The following CCND3 variants were observed in gnomAD, a reference collection of about 807,000 sequenced individuals.
CCND3 encodes cyclin D3.
A neutral mutation model predicts 28.7 loss-of-function variants in CCND3; 9 were observed. The ratio of observed to expected loss-of-function variants is 0.31; its 90% CI spans 0.19 to 0.55. The LOEUF is 0.55. Among genes scored for constraint, CCND3 ranks in the 20% least tolerant of loss-of-function variants. CCND3 has a pLI of 0.93. For missense variants in CCND3, 315 were observed against 385.8 expected (o/e 0.82, Z 1.54); for synonymous variants, 164 against 163.9 (o/e 1.00, Z 0.00).
intron 1 of CCND3, among the ~76,000 whole-genome samples, chr6:41,949,866 G>A (rs1320327613): frequency 1.3e-5 from 2 of 151,536 alleles, no homozygotes; most frequent in Admixed American, 6.6e-5. Context: ...AGGCCGAGGC[G>A]GGCGGATCAC....
intron 1 of CCND3, among the ~76,000 whole-genome samples, chr6:41,951,907 C>T (rs547748397): frequency 2.6e-4 from 40 of 151,982 alleles, no homozygotes; most frequent in South Asian, 8.3e-4. Flanking sequence ...TACAGGTGCT[C>T]GCCACCACAC....
rs77547384 is a variant in CCND3, at chr6:41,994,038, G to T, written c.-45-53453C>A. Among the ~76,000 whole-genome samples, 8 of 147,932 alleles carry T rather than the reference G, an allele frequency of 5.4e-5. No homozygotes were observed. In the East Asian group the frequency reaches 1.6e-3, roughly 29 times the overall value. Reference sequence around the variant, plus strand: ...TAGTGAAGAATGCCAATCTGAAAAAGCTTCATACTAGATGACTCCAAATAC... The same window carrying T: ...TAGTGAAGAATGCCAATCTGAAAAATCTTCATACTAGATGACTCCAAATAC... On this transcript the variant is annotated intron_variant, in intron 1 of 4. Transcript: ENST00000372988.
chr6:41,987,477 TTCTCTCTCTCTCTCTC>T lies in CCND3; in HGVS notation c.-45-46908_-45-46893del, dbSNP rs71544258. Among the ~76,000 whole-genome samples the T allele has an allele frequency of 2.1e-4, 26 of 126,488 alleles. No homozygotes were observed. In the South Asian group the frequency reaches 3.7e-3, roughly 18 times the overall value. The allele number at this position is 126,488 out of a possible 152,430, so 83.0% of individuals were successfully genotyped here. ...ACCACAACTCCCATGGACCAGGCTT[TTCTCTCTCTCTCTCTC>T]TCTCTCTCTCTCTCTCTCTCTCTCT... On this transcript the variant is annotated intron_variant, in intron 1 of 4. Transcript: ENST00000372988.
chr6:41,962,059 T>A (rs1319409841), intron 1 of CCND3, among the ~76,000 whole-genome samples: 1 of 152,158 alleles, frequency 6.6e-6, no homozygotes, highest in African/African-American at 2.4e-5. Context: ...CTTCCACCAG[T>A]TACCATCTCT....
chr6:41,968,141 C>T (rs62417388), intron 1 of CCND3, among the ~76,000 whole-genome samples: 32 of 152,110 alleles, frequency 2.1e-4, no homozygotes, highest in Non-Finnish European at 3.7e-4. Context: ...TAACATTTAG[C>T]TAACAGCAAA....
chr6:42,047,834 C>T (rs1764589932), intron 1 of CCND3, among the ~76,000 whole-genome samples: 2 of 152,220 alleles, frequency 1.3e-5, no homozygotes, highest in Admixed American at 1.3e-4. Flanking sequence ...CCTTTTCTCT[C>T]TGAAGCCTTC....
intron 1 of CCND3, among the ~76,000 whole-genome samples, chr6:41,955,603 A>C (rs1256180501): frequency 1.3e-5 from 2 of 151,374 alleles, no homozygotes; most frequent in Non-Finnish European, 2.9e-5. Context: ...CTTAGTGGTG[A>C]CACATTAAAA....
At chr6:41,992,829 C>T (rs1433450153) in intron 1 of CCND3, among the ~76,000 whole-genome samples, 8 of 151,974 alleles carry the variant, frequency 5.3e-5, no homozygotes, top group Non-Finnish European at 1.2e-4. Flanking sequence ...ACTGCAATCT[C>T]GTCCTCCCTC....
In CCND3 at chr6:41,951,563, C is replaced by CA. The variant is rs1561958126; in HGVS notation, c.-45-10979dup. On this transcript the variant is annotated intron_variant, in intron 1 of 4. Transcript: ENST00000372988. ...AGCGACACACACACACACACACACA[C>CA]ACACACACACACAAAAAAAAAGATT... Among the ~76,000 whole-genome samples, 15 of 76,984 alleles carry CA rather than the reference C, an allele frequency of 1.9e-4. 1 individual carries two copies. Among genetic ancestry groups the CA allele is most frequent in the African/African-American group, 7.0e-4 (14 of 19,898 alleles). The allele number at this position is 76,984 out of a possible 152,430, so 50.5% of individuals were successfully genotyped here. A position where few individuals can be genotyped will look rare whatever the true frequency, so the allele number is the denominator to read the frequency against.
intron 1 of CCND3, among the ~76,000 whole-genome samples, chr6:41,962,897 CG>C: frequency 6.6e-6 from 1 of 152,278 alleles, no homozygotes; most frequent in Admixed American, 6.5e-5. Context: ...ACTACAGGCG[CG>C]TGCCACCATA....
At chr6:42,004,068 A>ATGTG (rs35124169) in intron 1 of CCND3, among the ~76,000 whole-genome samples, 4,013 of 143,736 alleles carry the variant, frequency 0.028, 66 homozygotes, top group South Asian at 0.052. Context: ...ATATATATGT[A>ATGTG]TGTGTGTGTG....
chr6:41,961,104 A>C (rs1203881350), intron 1 of CCND3, among the ~76,000 whole-genome samples: 2 of 152,132 alleles, frequency 1.3e-5, no homozygotes, highest in African/African-American at 4.8e-5. Flanking sequence ...GGGGAGGTCA[A>C]CTCTGCTGTC....
At chr6:42,020,722 G>A (rs1433466817) in intron 1 of CCND3, among the ~76,000 whole-genome samples, 1 of 152,176 alleles carries the variant, frequency 6.6e-6, no homozygotes, top group Non-Finnish European at 1.5e-5. Context: ...AAGACTTCAT[G>A]AGCAGTCACC....
chr6:41,959,679 T>TCCGTCCCAAAAAAAAAAAAAAA (rs772818142), intron 1 of CCND3, among the ~76,000 whole-genome samples: 1 of 147,120 alleles, frequency 6.8e-6, no homozygotes, highest in African/African-American at 2.6e-5. Flanking sequence ...ACAGCAAGAC[T>TCCGTCCCAAAAAAAAAAAAAAA]AAATCAGGCC....
chr6:42,036,403 A>ATATATATAT (rs57619585), intron 1 of CCND3, among the ~76,000 whole-genome samples: 4 of 31,322 alleles, frequency 1.3e-4, no homozygotes, highest in Admixed American at 1.4e-3. Context: ...ATATATATAT[A>ATATATATAT]TTTTTTTTTT....
Position 41,941,601 on chromosome 6 carries a change from G to A in CCND3, c.49C>T (p.Pro17Ser), listed in dbSNP as rs769785626. 2.6e-6 allele frequency: 4 copies of A among 1,533,938 alleles called. No homozygotes were observed. The highest frequency in any genetic ancestry group is 1.2e-5 in the South Asian group (1 of 83,548). Residue 17 changes from proline to serine, a missense_variant, in exon 1 of 5, where the codon CCG becomes TCG. By Grantham distance (74) the Pro-to-Ser change is moderately conservative. Coordinates refer to ENST00000372991, the MANE Select transcript of CCND3 (RefSeq NM_001760.5). The surrounding 1 kb of genome is among the most constrained non-coding windows in gnomAD (Gnocchi z 6.1). ...EGTRHAPRAG[P>S]DPRLLGDQRV... is the part of the protein sequence containing the mutation. The stretch of plus-strand genomic sequence containing the variant: ...TGGTCCCCCAGCAGCCGCGGGTCCG[G>A]CCCGGCCCGGGGCGCGTGCCGGGTG...
intron 1 of CCND3, among the ~76,000 whole-genome samples, chr6:41,968,581 A>G (rs1561965901): frequency 6.6e-6 from 1 of 152,120 alleles, no homozygotes; most frequent in Non-Finnish European, 1.5e-5. Flanking sequence ...CTCCATCTCT[A>G]AAAAACAAAC....
At chr6:41,937,179 C>G (rs767127766) in intron 3 of CCND3, 56 bp downstream of exon 3, 2 of 1,578,620 alleles carry the variant, frequency 1.3e-6, no homozygotes, top group Admixed American at 3.3e-5. Flanking sequence ...TTACCTCTCA[C>G]CCTTATAAGT....
chr6:42,044,950 G>A (rs981719339), intron 1 of CCND3, among the ~76,000 whole-genome samples: 22 of 130,768 alleles, frequency 1.7e-4, no homozygotes, highest in African/African-American at 5.6e-4. Flanking sequence ...GACCACGCCC[G>A]GCTAACGTTT....
Sources: allele counts gnomAD v4.1 joint callset (sites outside exome capture counted in the v4.1 genomes callset), GRCh38; gene constraint gnomAD v4.1.1; non-coding constraint Gnocchi (gnomAD v3.1); transcripts MANE v1.5; gene names NCBI Gene and HGNC (gene_info 2026-07-23, HGNC 2026-07-21).